The following TASOR2 variants were observed in gnomAD, a reference collection of about 807,000 sequenced individuals.
TASOR2 encodes the protein transcription activation suppressor family member 2.
Under a neutral mutation model 199.5 loss-of-function variants are expected in TASOR2, and 84 were observed. The ratio of observed to expected loss-of-function variants is 0.42; its 90% CI spans 0.35 to 0.50. The LOEUF (loss-of-function observed/expected upper bound fraction) is 0.50. Ranked by LOEUF, TASOR2 falls within the 20% of genes least tolerant of loss-of-function variation. The probability of loss-of-function intolerance (pLI) is 0.02; values close to 1 mark genes in which losing one functional copy is unlikely to be tolerated. For synonymous variants in TASOR2, 1,103 were observed against 1,046.6 expected, an observed-to-expected ratio of 1.05 and a Z score of -1.04; for missense variants, 2,796 against 2,835.9, an observed-to-expected ratio of 0.99 and a Z score of 0.32.
chr10:5,734,114 A>T (rs1226847918), intron 11 of TASOR2, among the ~76,000 whole-genome samples: 1 of 152,240 alleles, frequency 6.6e-6, no homozygotes, highest in East Asian at 1.9e-4. Flanking sequence ...AATGTAATTT[A>T]AAAATATTTG....
rs1352368539 is a variant in TASOR2, at chr10:5,722,345, A to G, written c.147-1332A>G. 6.6e-6 allele frequency among the ~76,000 whole-genome samples: 1 copy of G among 152,142 alleles called. No individual in the cohort carries two copies. The highest frequency in any genetic ancestry group is 1.5e-5 in the Non-Finnish European group (1 of 68,026). On this transcript the variant is annotated intron_variant, in intron 6 of 20. Coordinates refer to ENST00000328090, the Ensembl canonical transcript of TASOR2. This position sits in a 1 kb window ranked among gnomAD's most constrained non-coding sequence, Gnocchi z 4.0. ...GTGGCACGTGCCTGTGATCCTAGCTACTGGGGACGCTGAGGCAGGAGAATC... is the reference window on the plus strand; with the variant it reads ...GTGGCACGTGCCTGTGATCCTAGCTGCTGGGGACGCTGAGGCAGGAGAATC...
intron 2 of TASOR2, among the ~76,000 whole-genome samples, chr10:5,715,765 C>T (rs2131557673): frequency 6.6e-6 from 1 of 152,220 alleles, no homozygotes; most frequent in East Asian, 1.9e-4. Context: ...GCCTCAGCCT[C>T]CTGAGTAGCT....
At chr10:5,755,491 T>G (rs1196005985) in intron 15 of TASOR2, among the ~76,000 whole-genome samples, 1 of 151,628 alleles carries the variant, frequency 6.6e-6, no homozygotes, top group East Asian at 1.9e-4. Context: ...GGTGAATCAC[T>G]TGAACCCAGG....
intron 2 of TASOR2, among the ~76,000 whole-genome samples, chr10:5,717,191 A>G (rs986778103): frequency 6.6e-6 from 1 of 152,158 alleles, no homozygotes; most frequent in Non-Finnish European, 1.5e-5. Context: ...TGATAGTAAA[A>G]TTAACACTAC....
chr10:5,711,123 A>T (rs1831852469), intron 1 of TASOR2, among the ~76,000 whole-genome samples: 1 of 152,150 alleles, frequency 6.6e-6, no homozygotes, highest in South Asian at 2.1e-4. Flanking sequence ...CAACTTCAGA[A>T]TATTCGTAAA....
Position 5,689,704 on chromosome 10 carries a change from G to A in TASOR2, c.-288+4529G>A, listed in dbSNP as rs965452924. On this transcript the variant is annotated intron_variant, in intron 1 of 20. Transcript: ENST00000328090. This position sits in a 1 kb window ranked among gnomAD's most constrained non-coding sequence, Gnocchi z 4.1. Reference sequence around the variant, plus strand: ...TGTGTTTATTCATAATTTATTAAATGTGATTTCCATTCGTGTTATTTATCT... The same window carrying A: ...TGTGTTTATTCATAATTTATTAAATATGATTTCCATTCGTGTTATTTATCT... Among the ~76,000 whole-genome samples, 2 of 152,198 alleles carry A rather than the reference G, an allele frequency of 1.3e-5. No homozygotes were observed. The highest frequency in any genetic ancestry group is 1.3e-4 in the Admixed American group (2 of 15,282).
rs184686790 is a variant in TASOR2 at position 5,714,970 on chromosome 10, T to C, written c.-192+2052T>C. Among the ~76,000 whole-genome samples the C allele has an allele frequency of 3.1e-4, 47 of 152,206 alleles. 1 individual carries two copies. The East Asian group carries it at 6.4e-3, about 21-fold the overall frequency. ...CTAAGACATTGTTAGTGGGATGGCATGGAAAGAGAAGATGGCAAAAACAGA... is the reference window on the plus strand; with the variant it reads ...CTAAGACATTGTTAGTGGGATGGCACGGAAAGAGAAGATGGCAAAAACAGA... On this transcript the variant is annotated intron_variant, in intron 2 of 20. Transcript: ENST00000328090.
At position 5,685,865 on chromosome 10, in the gene TASOR2, C is replaced by T. The variant is rs1835749526; in HGVS notation, c.-288+690C>T. Among the ~76,000 whole-genome samples, 1 of 152,228 alleles carries T rather than the reference C, an allele frequency of 6.6e-6. No homozygotes were observed. Among genetic ancestry groups the T allele is most frequent in the Non-Finnish European group, 1.5e-5 (1 of 68,040 alleles). On this transcript the variant is annotated intron_variant, in intron 1 of 20. Coordinates refer to ENST00000328090, the Ensembl canonical transcript of TASOR2. The surrounding 1 kb of genome is among the most constrained non-coding windows in gnomAD (Gnocchi z 5.4). The stretch of plus-strand genomic sequence containing the variant: ...AACCACGCTTACTCTTCCTTATTCT[C>T]CCTGTAAGGTACAATTAGAATAGAA...
chr10:5,750,685 C>G lies in TASOR2; in HGVS notation c.6606+658C>G, dbSNP rs1268247640. Among the ~76,000 whole-genome samples the G allele has an allele frequency of 2.6e-5, 4 of 152,150 alleles. No individual in the cohort carries two copies. Among genetic ancestry groups the G allele is most frequent in the Non-Finnish European group, 4.4e-5 (3 of 68,020 alleles). On this transcript the variant is annotated intron_variant, in intron 15 of 20. Coordinates refer to ENST00000328090, the Ensembl canonical transcript of TASOR2. This position sits in a 1 kb window ranked among gnomAD's most constrained non-coding sequence, Gnocchi z 5.4. ...AGAAATAGTACCCTTTACCCAGATACCCCAATATTAACATTTCTGAACCAT... is the reference window on the plus strand; with the variant it reads ...AGAAATAGTACCCTTTACCCAGATAGCCCAATATTAACATTTCTGAACCAT...
chr10:5,694,166 A>G (rs916005396), intron 1 of TASOR2, among the ~76,000 whole-genome samples: 19 of 152,304 alleles, frequency 1.2e-4, no homozygotes, highest in African/African-American at 4.6e-4. Flanking sequence ...CTATAAAAAG[A>G]AAAATCCATG....
chr10:5,697,891 GT>G (rs1304768269), intron 1 of TASOR2, among the ~76,000 whole-genome samples: 1 of 152,036 alleles, frequency 6.6e-6, no homozygotes, highest in African/African-American at 2.4e-5. Flanking sequence ...TTTTATGTTG[GT>G]TTTTTGTTCT....
chr10:5,738,938 C>G lies in TASOR2; in HGVS notation c.1448-680C>G, dbSNP rs1016848138. On this transcript the variant is annotated intron_variant, in intron 12 of 20. Transcript: ENST00000328090. This position sits in a 1 kb window ranked among gnomAD's most constrained non-coding sequence, Gnocchi z 4.7. The stretch of plus-strand genomic sequence containing the variant: ...AGGGAACATTGTCAGTAGATTTGCT[C>G]TTTCTTGGATAATGTAAAAGGTCAA... 1.3e-5 allele frequency among the ~76,000 whole-genome samples: 2 copies of G among 152,114 alleles called. No individual in the cohort carries two copies. Among genetic ancestry groups the G allele is most frequent in the African/African-American group, 2.4e-5 (1 of 41,430 alleles).
chr10:5,729,755 A>G (rs1281956987), intron 10 of TASOR2, among the ~76,000 whole-genome samples: 2 of 149,726 alleles, frequency 1.3e-5, no homozygotes, highest in African/African-American at 5.0e-5. Flanking sequence ...GTGGCTTTAT[A>G]TTACTGACAA....
At chr10:5,747,767 C>T (rs761559109) in exon 15 of TASOR2, 92 of 1,614,086 alleles carry the variant, frequency 5.7e-5, no homozygotes, top group Non-Finnish European at 7.5e-5. Flanking sequence ...TTAGGCATAA[C>T]AGAAAAAGAA....
At chr10:5,694,306 C>T (rs1204361180) in intron 1 of TASOR2, among the ~76,000 whole-genome samples, 2 of 152,080 alleles carry the variant, frequency 1.3e-5, no homozygotes, top group Non-Finnish European at 2.9e-5. Flanking sequence ...TGAGAGGGTA[C>T]TGAGGGGCTT....
At chr10:5,727,097 A>T in exon 10 of TASOR2, 2 of 1,614,156 alleles carry the variant, frequency 1.2e-6, no homozygotes, top group Non-Finnish European at 1.7e-6. Flanking sequence ...CATGGGTTAC[A>T]TTTATTTCGT....
At position 5,720,489 on chromosome 10, in the gene TASOR2, G is replaced by C; in HGVS notation, c.-99-55G>C. ...GCTCGGTGGGGTTGAGAAAAACTTG[G>C]TACATATGCAGTTCCATAGTGCTAC... On this transcript the variant is annotated intron_variant, in intron 3 of 20. Transcript: ENST00000328090. The surrounding 1 kb of genome is among the most constrained non-coding windows in gnomAD (Gnocchi z 5.3). 6.9e-7 allele frequency: 1 copy of C among 1,457,812 alleles called. No individual in the cohort carries two copies. Among genetic ancestry groups the C allele is most frequent in the East Asian group, 2.5e-5 (1 of 40,356 alleles). 90.3% of individuals were successfully genotyped at this position (1,457,812 alleles called of 1,614,324 possible). A position where few individuals can be genotyped will look rare whatever the true frequency, so the allele number is the denominator to read the frequency against.
At chr10:5,739,956 C>G (rs1459499370) in exon 13 of TASOR2, 1 of 1,613,994 alleles carries the variant, frequency 6.2e-7, no homozygotes, top group Non-Finnish European at 8.5e-7. Context: ...AGGTGAATTA[C>G]TACCTAACCC....
chr10:5,740,373 A>C lies in TASOR2; in HGVS notation c.2203A>C (p.Ile735Leu). ...TGTGAAAAAATCTTCTTGCTCTCGT[A>C]TAGTGCTTAGCTGTGATGACTCCGT... Residue 735 changes from isoleucine (I) to leucine (L), a missense_variant, in exon 13 of 21, where the codon ATA (isoleucine) becomes CTA (leucine). Coordinates refer to ENST00000328090, the Ensembl canonical transcript of TASOR2. This position sits in a 1 kb window ranked among gnomAD's most constrained non-coding sequence, Gnocchi z 5.3. The C allele has an allele frequency of 1.2e-6, 2 of 1,614,216 alleles. No homozygotes were observed. The highest frequency in any genetic ancestry group is 1.7e-6 in the Non-Finnish European group (2 of 1,180,040).
Sources: gnomAD v4.1 joint callset for allele counts (sites outside exome capture counted in the v4.1 genomes callset) on GRCh38, gnomAD v4.1.1 for gene constraint, Gnocchi (gnomAD v3.1) non-coding constraint, MANE v1.5 for transcripts, NCBI Gene and HGNC (gene_info 2026-07-23, HGNC 2026-07-21) for gene names.